The following LARGE1 variants were observed in gnomAD, a reference collection of about 807,000 sequenced individuals.
LARGE1 encodes the protein LARGE xylosyl- and glucuronyltransferase 1.
LARGE1 carries 43 observed loss-of-function variants against 87.6 expected under a neutral mutation model. That is an observed-to-expected ratio of 0.49 (90% CI 0.38 to 0.63). The LOEUF (loss-of-function observed/expected upper bound fraction) is 0.63, where lower values mean the gene tolerates loss of function less well. Ranked by LOEUF, LARGE1 falls within the 30% of genes least tolerant of loss-of-function variation. LARGE1 has a pLI of 0.00. For missense variants in LARGE1, 802 were observed against 1,000.2 expected (o/e 0.80, Z 2.67); for synonymous variants, 434 against 394.6 (o/e 1.10, Z -1.18).
At position 33,473,206 on chromosome 22, in the gene LARGE1, T is replaced by C. The variant is rs1223047483; in HGVS notation, c.788-40941A>G. Among the ~76,000 whole-genome samples, 7 of 152,180 alleles carry C rather than the reference T, an allele frequency of 4.6e-5. No homozygotes were observed. The South Asian group carries it at 1.0e-3, about 23-fold the overall frequency. On this transcript the variant is annotated intron_variant, in intron 6 of 14. Transcript: ENST00000397394. Reference sequence around the variant, plus strand: ...TCTTTGAGATGGAGTTTCACTCTTATTGCCCAGGCTGGAGTGCAATGGCGT... The same window carrying C: ...TCTTTGAGATGGAGTTTCACTCTTACTGCCCAGGCTGGAGTGCAATGGCGT...
At chr22:33,871,158 T>A (rs2064268136) in intron 1 of LARGE1, among the ~76,000 whole-genome samples, 1 of 152,184 alleles carries the variant, frequency 6.6e-6, no homozygotes, top group African/African-American at 2.4e-5. Context: ...ATTAATTAGA[T>A]AGGCAGTGGT....
intron 6 of LARGE1, among the ~76,000 whole-genome samples, chr22:33,550,142 TACACACACACACACACAC>T (rs5845093): frequency 7.0e-6 from 1 of 142,252 alleles, no homozygotes; most frequent in Admixed American, 7.3e-5. Flanking sequence ...ACTTAAAGTA[TACACACACACACACACAC>T]ACACACACAC....
At chr22:33,118,602 G>GAGTGTTGA in the LARGE1 span, among the ~76,000 whole-genome samples, 7 of 152,272 alleles carry the variant, frequency 4.6e-5, no homozygotes, top group Admixed American at 2.0e-4. Flanking sequence ...ACTTCTGGCT[G>GAGTGTTGA]AGTGTTGATT....
At chr22:33,871,788 G>C (rs967685543) in intron 1 of LARGE1, among the ~76,000 whole-genome samples, 4 of 151,594 alleles carry the variant, frequency 2.6e-5, no homozygotes, top group African/African-American at 9.7e-5. Context: ...GTGACCTACA[G>C]AACAAATGGC....
At chr22:33,161,841 G>A (rs951923507), downstream of LARGE1, among the ~76,000 whole-genome samples, 2 of 152,108 alleles carry the variant, frequency 1.3e-5, no homozygotes, top group African/African-American at 2.4e-5. Flanking sequence ...CTGGGGTCTA[G>A]AGGATGAGGA....
chr22:33,179,301 C>T (rs1246426430), intron 11 of LARGE1, among the ~76,000 whole-genome samples: 3 of 152,190 alleles, frequency 2.0e-5, no homozygotes, highest in Non-Finnish European at 4.4e-5. Context: ...AGGAAGACAG[C>T]TGTCATTTAG....
At chr22:33,268,094 T>C (rs1928049238), downstream of LARGE1, among the ~76,000 whole-genome samples, 1 of 151,050 alleles carries the variant, frequency 6.6e-6, no homozygotes, top group African/African-American at 2.5e-5. Flanking sequence ...GCTGGGATTA[T>C]AGGCATCTGC....
At chr22:33,583,976 G>T (rs906773033) in intron 5 of LARGE1, among the ~76,000 whole-genome samples, 1 of 152,124 alleles carries the variant, frequency 6.6e-6, no homozygotes, top group African/African-American at 2.4e-5. Flanking sequence ...AACTTTCCCC[G>T]CTGTGGGCAT....
At chr22:33,175,332 G>A (rs886984864) in intron 11 of LARGE1, among the ~76,000 whole-genome samples, 39 of 152,098 alleles carry the variant, frequency 2.6e-4, no homozygotes, top group African/African-American at 8.9e-4. Flanking sequence ...AAGAAATAAA[G>A]GGTATTCAAA....
intron 6 of LARGE1, among the ~76,000 whole-genome samples, chr22:33,480,961 A>G (rs2148198570): frequency 6.6e-6 from 1 of 152,242 alleles, no homozygotes; most frequent in South Asian, 2.1e-4. Flanking sequence ...TAACAACTTA[A>G]ATTTAAATTT....
chr22:33,730,384 AG>A (rs1181496042), intron 2 of LARGE1, among the ~76,000 whole-genome samples: 1 of 152,238 alleles, frequency 6.6e-6, no homozygotes, highest in African/African-American at 2.4e-5. Context: ...TCAAATGTTC[AG>A]GAAGTCAAAA....
At chr22:33,393,728 CCT>C (rs2065614668) in intron 7 of LARGE1, among the ~76,000 whole-genome samples, 2 of 152,202 alleles carry the variant, frequency 1.3e-5, no homozygotes, top group African/African-American at 2.4e-5. Flanking sequence ...GCCCCTTGCC[CCT>C]GAGTGCTCTG....
chr22:33,124,887 A>G, the LARGE1 span, among the ~76,000 whole-genome samples: 1 of 152,228 alleles, frequency 6.6e-6, no homozygotes, highest in African/African-American at 2.4e-5. Context: ...AAGCAGCTTT[A>G]CTGAAGTGGC....
In LARGE1 at chr22:33,423,553, G is replaced by A. The variant is rs557802646; in HGVS notation, c.892+8608C>T. 5.7e-4 allele frequency among the ~76,000 whole-genome samples: 86 copies of A among 151,666 alleles called. 2 individuals carry two copies. The highest frequency in any genetic ancestry group is 2.1e-4 in the South Asian group (1 of 4,802). ...AAATTAGCTGGGCATGGTGGTGTGC[G>A]CCTGTAATCCCAGCTACTCAGGAGG... On this transcript the variant is annotated intron_variant, in intron 7 of 14. Coordinates refer to ENST00000397394, the MANE Select transcript of LARGE1 (RefSeq NM_133642.5).
Position 33,416,906 on chromosome 22 carries a change from C to CTTTTTTTTTTT in LARGE1, c.892+15244_892+15254dup, listed in dbSNP as rs35018256. 9.5e-4 allele frequency among the ~76,000 whole-genome samples: 86 copies of CTTTTTTTTTTT among 90,136 alleles called. 12 individuals carry two copies. Among genetic ancestry groups the CTTTTTTTTTTT allele is most frequent in the African/African-American group, 2.7e-3 (47 of 17,434 alleles). 59.1% of individuals were successfully genotyped at this position (90,136 alleles called of 152,430 possible). ...ACAGGTGTGAGGCACCACGCCCGGACTTTTTTTTTTTTTTTTTTTGAGACA... is the reference window on the plus strand; with the variant it reads ...ACAGGTGTGAGGCACCACGCCCGGACTTTTTTTTTTTTTTTTTTTTTTTTTTTTTTGAGACA... On this transcript the variant is annotated intron_variant, in intron 7 of 14. Transcript: ENST00000397394.
At chr22:33,471,787 C>A (rs576336546) in intron 6 of LARGE1, among the ~76,000 whole-genome samples, 11 of 152,124 alleles carry the variant, frequency 7.2e-5, no homozygotes, top group Non-Finnish European at 1.3e-4. Context: ...GTAATCCCAG[C>A]ACTTTGGGAG....
intron 11 of LARGE1, among the ~76,000 whole-genome samples, chr22:33,183,653 C>CACAG (rs1568963741): frequency 8.7e-5 from 13 of 149,866 alleles, no homozygotes; most frequent in African/African-American, 2.2e-4. Flanking sequence ...CACACACACA[C>CACAG]AGTATTTAGC....
At chr22:33,153,879 A>G in the LARGE1 span, among the ~76,000 whole-genome samples, 1 of 152,194 alleles carries the variant, frequency 6.6e-6, no homozygotes, top group Admixed American at 6.5e-5. Context: ...TGGCGGTCCC[A>G]AATTTTAATC....
At chr22:33,116,562 A>C in the LARGE1 span, among the ~76,000 whole-genome samples, 1 of 149,860 alleles carries the variant, frequency 6.7e-6, no homozygotes, top group South Asian at 2.1e-4. Context: ...ACGGGGTTTC[A>C]CCGTGTTAGC....
Sources: allele counts gnomAD v4.1 joint callset (sites outside exome capture counted in the v4.1 genomes callset), GRCh38; gene constraint gnomAD v4.1.1; transcripts MANE v1.5; gene names NCBI Gene and HGNC (gene_info 2026-07-23, HGNC 2026-07-21).